Variants in ANAPC1 observed in about 807,000 individuals in gnomAD.
ANAPC1 encodes the protein anaphase-promoting complex subunit 1.
Under a neutral mutation model 208.0 loss-of-function variants are expected in ANAPC1, and 36 were observed. The ratio of observed to expected loss-of-function variants is 0.17; its 90% confidence interval spans 0.13 to 0.23. ANAPC1 has a LOEUF of 0.23. Ranked by LOEUF, ANAPC1 falls within the 10% of genes least tolerant of loss-of-function variation. The pLI, the probability that ANAPC1 is intolerant of heterozygous loss-of-function variation, is 1.00. For missense variants in ANAPC1, 942 were observed against 2,011.6 expected (o/e 0.47, Z 10.17); for synonymous variants, 378 against 695.2 (o/e 0.54, Z 7.18).
chr2:111,873,279 C>T (rs764619449), intron 5 of ANAPC1, 29 bp downstream of exon 5: 6 of 1,565,938 alleles, frequency 3.8e-6, no homozygotes, highest in Admixed American at 2.0e-5. Context: ...TCCAACAAAA[C>T]CCCCCCAAAA....
At chr2:111,792,259 G>C (rs1677917365) in intron 38 of ANAPC1, 103 bp downstream of exon 38, 1 of 693,128 alleles carries the variant, frequency 1.4e-6, no homozygotes, top group Non-Finnish European at 2.4e-6. Context: ...CTAAGAGCTA[G>C]TCAGAATTTA....
chr2:111,861,214 T>C lies in ANAPC1; in HGVS notation c.1262+1175A>G, dbSNP rs3863960. Among the ~76,000 whole-genome samples, 157 of 152,306 alleles carry C rather than the reference T, an allele frequency of 1.0e-3. 2 individuals are homozygous for C. Among genetic ancestry groups the C allele is most frequent in the African/African-American group, 3.4e-3 (143 of 41,562 alleles). On this transcript the variant is annotated intron_variant, in intron 10 of 47. Coordinates refer to ENST00000341068, the MANE Select transcript of ANAPC1 (RefSeq NM_022662.4). ...CCTCAGCCTCCAGAGTAGCTGGGAC[T>C]ACAGATGCACGCCATCATGCCTGGC... is the stretch of plus-strand genomic sequence containing the variant.
At chr2:111,784,280 G>T in intron 41 of ANAPC1, 43 bp downstream of exon 41, 4 of 1,613,972 alleles carry the variant, frequency 2.5e-6, no homozygotes, top group Non-Finnish European at 3.4e-6. Flanking sequence ...CCATTCTGTT[G>T]AATTGACCCC....
intron 14 of ANAPC1, among the ~76,000 whole-genome samples, chr2:111,849,029 A>G (rs929073854): frequency 1.2e-4 from 19 of 152,268 alleles, no homozygotes; most frequent in African/African-American, 4.6e-4. Context: ...AGTCATGACC[A>G]CTGATCCTTT....
At chr2:111,867,272 A>G (rs1460637981) in intron 7 of ANAPC1, among the ~76,000 whole-genome samples, 1 of 152,120 alleles carries the variant, frequency 6.6e-6, no homozygotes, top group African/African-American at 2.4e-5. Context: ...CCTGGGCAAC[A>G]AGAGCAAAAC....
At position 111,876,626 on chromosome 2, in the gene ANAPC1, A is replaced by AT. The variant is rs565499408; in HGVS notation, c.375+2183dup. The stretch of plus-strand genomic sequence containing the variant: ...AACTATATGAATTATATGGGAAAAA[A>AT]TTTACCATCAAAAAGATCACTGGCT... On this transcript the variant is annotated intron_variant, in intron 3 of 47. Transcript: ENST00000341068. Among the ~76,000 whole-genome samples the AT allele has an allele frequency of 2.3e-3, 344 of 152,314 alleles. 1 individual carries two copies. The highest frequency in any genetic ancestry group is 8.0e-3 in the African/African-American group (332 of 41,574).
At chr2:111,832,991 G>C (rs1239529044) in intron 20 of ANAPC1, among the ~76,000 whole-genome samples, 1 of 142,200 alleles carries the variant, frequency 7.0e-6, no homozygotes, top group Non-Finnish European at 1.5e-5. Context: ...TCTGACTTTT[G>C]CAAGTCAGAA....
At chr2:111,864,590 G>A (rs930514936) in intron 8 of ANAPC1, among the ~76,000 whole-genome samples, 5 of 144,990 alleles carry the variant, frequency 3.4e-5, no homozygotes, top group South Asian at 2.2e-4. Context: ...TCAGCCTCCC[G>A]AGTAGATAGG....
In ANAPC1 at chr2:111,863,687, A is replaced by G. The variant is rs947394918; in HGVS notation, c.1040T>C (p.Met347Thr). Residue 347 changes from methionine to threonine, a missense_variant, in exon 9 of 48, where the codon ATG becomes ACG. Met to Thr is a moderately conservative substitution (Grantham distance 81). Coordinates refer to ENST00000341068, the MANE Select transcript of ANAPC1 (RefSeq NM_022662.4). ...GAAACCCTTATACCTTAGAGCTGCC[A>G]TGTTGGAAATAGAAGGTGAGCGAGA... ...LHSRSPSISN[M>T]AALSRAHSPA... is the part of the protein sequence containing the mutation. 6.8e-6 allele frequency: 11 copies of G among 1,613,168 alleles called. No homozygotes were observed. The highest frequency in any genetic ancestry group is 9.3e-6 in the Non-Finnish European group (11 of 1,179,388).
intron 18 of ANAPC1, among the ~76,000 whole-genome samples, chr2:111,836,986 T>TATA (rs1321583657): frequency 7.3e-6 from 1 of 137,000 alleles, no homozygotes; most frequent in Non-Finnish European, 1.6e-5. Flanking sequence ...AAAAAGAAAA[T>TATA]ATATATCCAC....
chr2:111,858,750 A>C (rs1289476584), intron 10 of ANAPC1, among the ~76,000 whole-genome samples: 1 of 144,716 alleles, frequency 6.9e-6, no homozygotes, highest in Non-Finnish European at 1.5e-5. Flanking sequence ...CGACAGAGCC[A>C]GACTCCGTCT....
intron 6 of ANAPC1, among the ~76,000 whole-genome samples, chr2:111,870,667 A>G (rs1368185845): frequency 2.6e-5 from 4 of 152,172 alleles, no homozygotes; most frequent in Admixed American, 6.6e-5. Context: ...CTATTCTGAC[A>G]TTTCTTTTGC....
chr2:111,834,696 G>A lies in ANAPC1; in HGVS notation c.2292C>T (p.Phe764=), dbSNP rs3932348. 5 of 1,613,238 alleles carry A rather than the reference G, an allele frequency of 3.1e-6. No homozygotes were observed. In the East Asian group the frequency reaches 6.7e-5, roughly 22 times the overall value. The change falls in exon 19 of 48, where the codon TTC becomes TTT. Residue 764 remains phenylalanine, a synonymous_variant. Transcript: ENST00000341068. ...LLFTHIPAIF[F]VLHLVYEELK... The stretch of plus-strand genomic sequence containing the variant: ...GCTCCTCATACACAAGGTGAAGAAC[G>A]AAAAAAATTGCAGGTATGTGAGTAA...
At chr2:111,770,472 C>T (rs1329798189) in intron 47 of ANAPC1, among the ~76,000 whole-genome samples, 16 of 147,138 alleles carry the variant, frequency 1.1e-4, no homozygotes, top group Non-Finnish European at 2.4e-4. Flanking sequence ...ATATTTAACA[C>T]AATTTTTCAA....
chr2:111,857,693 C>G (rs1681810025), intron 11 of ANAPC1, among the ~76,000 whole-genome samples: 1 of 152,164 alleles, frequency 6.6e-6, no homozygotes, highest in Non-Finnish European at 1.5e-5. Flanking sequence ...TAGGCATTTA[C>G]TCAAGAAAAA....
At position 111,863,861 on chromosome 2, in the gene ANAPC1, C is replaced by T. The variant is rs1452275753; in HGVS notation, c.866G>A (p.Gly289Glu). Residue 289 changes from glycine to glutamate, a missense_variant, in exon 9 of 48, where the codon GGG becomes GAG. Physicochemically the swap from Gly to Glu is moderately conservative, Grantham distance 98. Coordinates refer to ENST00000341068, the MANE Select transcript of ANAPC1 (RefSeq NM_022662.4). ...ENVVLKFSEQ[G>E]GTPQNVATSS... ...AGTGGCCACATTCTGTGGGGTTCCCCCCTGTTCAGAGAACTTTAAAACAAC... is the reference window on the plus strand; with the variant it reads ...AGTGGCCACATTCTGTGGGGTTCCCTCCTGTTCAGAGAACTTTAAAACAAC... 3 of 1,613,366 alleles carry T rather than the reference C, an allele frequency of 1.9e-6. No individual in the cohort carries two copies. The Admixed American group carries it at 5.0e-5, about 27-fold the overall frequency.
intron 18 of ANAPC1, among the ~76,000 whole-genome samples, chr2:111,837,883 G>A (rs1256981377): frequency 6.6e-6 from 1 of 151,028 alleles, no homozygotes; most frequent in Non-Finnish European, 1.5e-5. Context: ...TCAGGAGTTC[G>A]AGACCAGCCT....
chr2:111,848,015 G>A, intron 14 of ANAPC1, 150 bp from the exon 15 acceptor site: 1 of 532,376 alleles, frequency 1.9e-6, no homozygotes, highest in Non-Finnish European at 3.3e-6. Flanking sequence ...GCATGGTGGT[G>A]CACACCTGTA....
intron 19 of ANAPC1, 123 bp from the exon 20 acceptor site, chr2:111,833,434 T>C: frequency 7.5e-7 from 1 of 1,336,510 alleles, no homozygotes; most frequent in Non-Finnish European, 9.7e-7. Flanking sequence ...TAACCAAATC[T>C]AGAGTCTCTC....
Sources: allele counts gnomAD v4.1 joint callset (sites outside exome capture counted in the v4.1 genomes callset), GRCh38; gene constraint gnomAD v4.1.1; transcripts MANE v1.5; gene names NCBI Gene and HGNC (gene_info 2026-07-23, HGNC 2026-07-21).